FAF2: variants seen among roughly 807,000 people sequenced by gnomAD.
FAF2 encodes Fas associated factor family member 2, also known as FAS-associated factor 2.
Under a neutral mutation model 62.3 loss-of-function variants are expected in FAF2, and 9 were observed. The ratio of observed to expected loss-of-function variants is 0.14; its 90% confidence interval spans 0.09 to 0.25. The LOEUF (loss-of-function observed/expected upper bound fraction) is 0.25. FAF2 is among the 10% of genes least tolerant of loss of function. FAF2 has a pLI of 1.00. For synonymous variants in FAF2, 202 were observed against 198.0 expected (o/e 1.02, Z -0.17); for missense variants, 368 against 556.2 (o/e 0.66, Z 3.40).
At position 176,472,355 on chromosome 5, in the gene FAF2, C is replaced by T. The variant is rs556613222; in HGVS notation, c.64-6833C>T. ...AGAGATGGGGTTTCACCATGTTGGT[C>T]AGTCTGGTCTCGAACTCCTGACCTC... On this transcript the variant is annotated intron_variant, in intron 1 of 10. Transcript: ENST00000261942. Among the ~76,000 whole-genome samples the T allele has an allele frequency of 5.9e-5, 9 of 152,062 alleles. No individual in the cohort carries two copies. The South Asian group carries it at 1.9e-3, about 32-fold the overall frequency.
intron 1 of FAF2, among the ~76,000 whole-genome samples, chr5:176,451,602 G>T (rs1023888841): frequency 1.3e-5 from 2 of 150,184 alleles, no homozygotes; most frequent in African/African-American, 4.9e-5. Context: ...GGTTCTGAGA[G>T]GTCAAATAGC....
chr5:176,497,159 A>G (rs1454830231), intron 8 of FAF2, among the ~76,000 whole-genome samples: 1 of 152,162 alleles, frequency 6.6e-6, no homozygotes, highest in East Asian at 1.9e-4. Flanking sequence ...AAAATAATAA[A>G]TGAATGAATA....
At chr5:176,474,469 G>C (rs1758625616) in intron 1 of FAF2, among the ~76,000 whole-genome samples, 1 of 152,168 alleles carries the variant, frequency 6.6e-6, no homozygotes, top group South Asian at 2.1e-4. Context: ...CTTTGGTGAG[G>C]TTGTTTCACA....
chr5:176,477,287 A>G (rs1189590556), intron 1 of FAF2, among the ~76,000 whole-genome samples: 2 of 123,328 alleles, frequency 1.6e-5, no homozygotes, highest in Non-Finnish European at 3.3e-5. Flanking sequence ...GGTTTTAACC[A>G]TGTTGGCCAG....
At chr5:176,498,442 TATA>T (rs1306755091) in intron 8 of FAF2, among the ~76,000 whole-genome samples, 2 of 152,218 alleles carry the variant, frequency 1.3e-5, no homozygotes, top group Non-Finnish European at 2.9e-5. Context: ...TGCCAAATGT[TATA>T]ATGTTTTATC....
At chr5:176,470,294 C>T (rs1354582260) in intron 1 of FAF2, among the ~76,000 whole-genome samples, 1 of 152,126 alleles carries the variant, frequency 6.6e-6, no homozygotes, top group South Asian at 2.1e-4. Context: ...TTAAACTTTA[C>T]CAGCCGGGTG....
rs948721786 is a variant in FAF2, at chr5:176,494,539, TTG to T, written c.661+266_661+267del. Among the ~76,000 whole-genome samples, 6 of 151,068 alleles carry T rather than the reference TTG, an allele frequency of 4.0e-5. No individual in the cohort carries two copies. The highest frequency in any genetic ancestry group is 1.5e-4 in the African/African-American group (6 of 40,370). The stretch of plus-strand genomic sequence containing the variant: ...ACACAATTAGCAAGTTTTATTTTTT[TTG>T]TTTTTATTTAATTAATTAAAAAAAT... On this transcript the variant is annotated intron_variant, in intron 7 of 10. Transcript: ENST00000261942. This position sits in a 1 kb window ranked among gnomAD's most constrained non-coding sequence, Gnocchi z 4.0.
At chr5:176,492,392 A>G in intron 5 of FAF2, 60 bp downstream of exon 5, 8 of 1,486,638 alleles carry the variant, frequency 5.4e-6, no homozygotes, top group Non-Finnish European at 7.2e-6. Flanking sequence ...CTCAAAGGAG[A>G]GCACAGCCCA....
chr5:176,465,366 C>CTTTTTT (rs70991554), intron 1 of FAF2, among the ~76,000 whole-genome samples: 6 of 115,716 alleles, frequency 5.2e-5, no homozygotes, highest in Non-Finnish European at 8.5e-5. Context: ...CTTTTTCTTT[C>CTTTTTT]TTTTTTTTTT....
intron 4 of FAF2, 43 bp from the exon 5 acceptor site, chr5:176,492,151 G>A (rs2113741132): frequency 1.9e-6 from 3 of 1,612,924 alleles, no homozygotes; most frequent in Non-Finnish European, 2.5e-6. Context: ...GATATGCACT[G>A]TAGTAAGCTG....
intron 10 of FAF2, among the ~76,000 whole-genome samples, chr5:176,504,106 CA>C (rs976050254): frequency 1.3e-5 from 2 of 148,896 alleles, no homozygotes; most frequent in Non-Finnish European, 3.0e-5. Flanking sequence ...GACTCCATCT[CA>C]AAAAAAAAGA....
chr5:176,508,600 G>T lies in FAF2; in HGVS notation c.*1650G>T, dbSNP rs1755726059. 1 of 152,236 alleles carries T rather than the reference G, an allele frequency of 6.6e-6. No individual in the cohort carries two copies. The highest frequency in any genetic ancestry group is 1.5e-5 in the Non-Finnish European group (1 of 68,056). The allele number at this position is 152,236 out of a possible 1,614,324, so 9.4% of individuals were successfully genotyped here. Reference sequence around the variant, plus strand: ...ACTTGGAGAGCCTGAGAAATTCCCAGTGGCCTTGGCATAGCTGTCTAGAAC... The same window carrying T: ...ACTTGGAGAGCCTGAGAAATTCCCATTGGCCTTGGCATAGCTGTCTAGAAC... On this transcript the variant is annotated 3_prime_UTR_variant, in exon 11 of 11. Transcript: ENST00000261942.
chr5:176,507,911 T>G lies in FAF2; in HGVS notation c.*961T>G, dbSNP rs1192906855. 6.5e-6 allele frequency: 1 copy of G among 152,732 alleles called. No homozygotes were observed. Among genetic ancestry groups the G allele is most frequent in the African/African-American group, 2.4e-5 (1 of 41,434 alleles). 9.5% of individuals were successfully genotyped at this position (152,732 alleles called of 1,614,324 possible). On this transcript the variant is annotated 3_prime_UTR_variant, in exon 11 of 11. Transcript: ENST00000261942. ...AGCTCTTCATTCCTCTTCTGACATG[T>G]GCATGCTGCTCCCCCCAGCCCTGGG...
chr5:176,485,878 CATACAT>C (rs1758867025), intron 2 of FAF2, among the ~76,000 whole-genome samples: 1 of 152,172 alleles, frequency 6.6e-6, no homozygotes, highest in South Asian at 2.1e-4. Flanking sequence ...ACCTGAGGCT[CATACAT>C]TGAGCAACTT....
At chr5:176,484,199 A>G (rs1363518687) in intron 2 of FAF2, among the ~76,000 whole-genome samples, 1 of 152,226 alleles carries the variant, frequency 6.6e-6, no homozygotes, top group Non-Finnish European at 1.5e-5. Flanking sequence ...AACAATATGC[A>G]TGAAGTATAG....
At chr5:176,456,792 A>T (rs1758283668) in intron 1 of FAF2, among the ~76,000 whole-genome samples, 1 of 152,222 alleles carries the variant, frequency 6.6e-6, no homozygotes, top group Non-Finnish European at 1.5e-5. Context: ...AAGAAATTTG[A>T]AATCAACTTT....
rs1755711691 is a variant in FAF2 at position 176,507,872 on chromosome 5, A to C, written c.*922A>C. ...TACCAGGTGGTGGTTATGGGGTCTGAACCAAAGGATAGCAGCTCTTCATTC... is the reference window on the plus strand; with the variant it reads ...TACCAGGTGGTGGTTATGGGGTCTGCACCAAAGGATAGCAGCTCTTCATTC... On this transcript the variant is annotated 3_prime_UTR_variant, in exon 11 of 11. Transcript: ENST00000261942. The C allele has an allele frequency of 6.5e-6, 1 of 152,742 alleles. No homozygotes were observed. The highest frequency in any genetic ancestry group is 2.4e-5 in the African/African-American group (1 of 41,434). The allele number at this position is 152,742 out of a possible 1,614,324, so 9.5% of individuals were successfully genotyped here. A position where few individuals can be genotyped will look rare whatever the true frequency, so the allele number is the denominator to read the frequency against.
chr5:176,492,728 T>G (rs1561826314), intron 5 of FAF2, among the ~76,000 whole-genome samples: 1 of 152,222 alleles, frequency 6.6e-6, no homozygotes, highest in African/African-American at 2.4e-5. Context: ...CAGCTATCCC[T>G]GATTGTTGTG....
rs192525527 is a variant in FAF2 at position 176,481,383 on chromosome 5, C to T, written c.132+2127C>T. Among the ~76,000 whole-genome samples, 486 of 152,134 alleles carry T rather than the reference C, an allele frequency of 3.2e-3. 5 individuals are homozygous for T. Among genetic ancestry groups the T allele is most frequent in the African/African-American group, 0.011 (463 of 41,550 alleles). On this transcript the variant is annotated intron_variant, in intron 2 of 10. Coordinates refer to ENST00000261942, the MANE Select transcript of FAF2 (RefSeq NM_014613.3). ...TTCTAAGAGACAGGGTTGGGCCGGG[C>T]GCGGTGGCTCACGCCTGTAATCCCA...
Sources: gnomAD v4.1 joint callset for allele counts (sites outside exome capture counted in the v4.1 genomes callset) on GRCh38, gnomAD v4.1.1 for gene constraint, Gnocchi (gnomAD v3.1) non-coding constraint, MANE v1.5 for transcripts, NCBI Gene and HGNC (gene_info 2026-07-23, HGNC 2026-07-21) for gene names.